Variants in DLGAP2 observed in about 807,000 individuals in gnomAD.
DLGAP2 encodes disks large-associated protein 2.
A neutral mutation model predicts 100.3 loss-of-function variants in DLGAP2; 26 were observed. That is an observed-to-expected ratio of 0.26 (90% confidence interval 0.19 to 0.36). The LOEUF is 0.36. Among genes scored for constraint, DLGAP2 ranks in the 10% least tolerant of loss-of-function variants. The probability of loss-of-function intolerance (pLI) is 1.00; values close to 1 mark genes in which losing one functional copy is unlikely to be tolerated. For synonymous variants in DLGAP2, 886 were observed against 630.1 expected (o/e 1.41, Z -6.08); for missense variants, 1,858 against 1,453.2 (o/e 1.28, Z -4.53).
intron 6 of DLGAP2, among the ~76,000 whole-genome samples, chr8:1,624,086 G>A (rs1163538286): frequency 6.6e-6 from 1 of 152,178 alleles, no homozygotes; most frequent in Admixed American, 6.5e-5. Context: ...TAGAAACTGT[G>A]GACACCAGAT....
chr8:1,586,914 C>T (rs1008889098), intron 6 of DLGAP2, among the ~76,000 whole-genome samples: 5 of 152,206 alleles, frequency 3.3e-5, no homozygotes, highest in African/African-American at 1.2e-4. Context: ...TTTATGCTTT[C>T]ACCTTCATCA....
chr8:1,206,832 G>T (rs992510905), intron 2 of DLGAP2, among the ~76,000 whole-genome samples: 1 of 152,142 alleles, frequency 6.6e-6, no homozygotes, highest in Non-Finnish European at 1.5e-5. Flanking sequence ...CCCCTCTTCT[G>T]TCGCTGACAC....
intron 2 of DLGAP2, among the ~76,000 whole-genome samples, chr8:1,138,678 T>G (rs1319171264): frequency 6.6e-6 from 1 of 152,254 alleles, no homozygotes; most frequent in Non-Finnish European, 1.5e-5. Flanking sequence ...TGCAAAAATA[T>G]TTTTTGAAGC....
chr8:1,703,565 GAAAGGAAATGT>G lies in DLGAP2; in HGVS notation c.*2162_*2172del, dbSNP rs1019654197. 6.6e-6 allele frequency: 1 copy of G among 152,238 alleles called. No individual in the cohort carries two copies. Among genetic ancestry groups the G allele is most frequent in the African/African-American group, 2.4e-5 (1 of 41,442 alleles). 9.4% of individuals were successfully genotyped at this position (152,238 alleles called of 1,614,324 possible). On this transcript the variant is annotated 3_prime_UTR_variant, in exon 15 of 15. Transcript: ENST00000637795. ...AGCAAAGTCAGTGTACACTCTGAGT[GAAAGGAAATGT>G]AATGTGGATAAAGGCCCGCCACCTC...
chr8:1,464,650 G>A (rs1187770142), intron 3 of DLGAP2, among the ~76,000 whole-genome samples: 1 of 152,056 alleles, frequency 6.6e-6, no homozygotes, highest in East Asian at 1.9e-4. Flanking sequence ...GGCAGATAGA[G>A]GGGAGACAGG....
chr8:1,494,663 G>A (rs1799492442), intron 3 of DLGAP2, among the ~76,000 whole-genome samples: 1 of 152,076 alleles, frequency 6.6e-6, no homozygotes, highest in Admixed American at 6.5e-5. Flanking sequence ...GGGAGGTGGA[G>A]GTTACAGTGA....
chr8:759,977 G>A (rs1358674305), intron 1 of DLGAP2, among the ~76,000 whole-genome samples: 4 of 152,154 alleles, frequency 2.6e-5, no homozygotes, highest in Non-Finnish European at 5.9e-5. Context: ...AATTGTCAGG[G>A]TTGAGACCAT....
Position 1,494,336 on chromosome 8 carries a change from T to C in DLGAP2, c.107-7030T>C, listed in dbSNP as rs147497063. On this transcript the variant is annotated intron_variant, in intron 3 of 14. Coordinates refer to ENST00000637795, the MANE Select transcript of DLGAP2 (RefSeq NM_001346810.2). ...ACAACTTCCCCCTGAGAAGACGCAA[T>C]TGTGCTTTGAGTTTAAAAACCTGTC... Among the ~76,000 whole-genome samples, 353 of 152,358 alleles carry C rather than the reference T, an allele frequency of 2.3e-3. 1 individual carries two copies. The highest frequency in any genetic ancestry group is 7.9e-3 in the African/African-American group (327 of 41,594).
chr8:1,296,739 C>G (rs1800186761), intron 3 of DLGAP2, among the ~76,000 whole-genome samples: 2 of 152,324 alleles, frequency 1.3e-5, no homozygotes, highest in South Asian at 2.1e-4. Context: ...TTTGGGTTCG[C>G]TTGCGGGAAA....
chr8:1,281,813 CTTTGATCTGCAACG>C (rs1432190701), intron 3 of DLGAP2, among the ~76,000 whole-genome samples: 1 of 152,190 alleles, frequency 6.6e-6, no homozygotes, highest in East Asian at 1.9e-4. Context: ...CCCCACCAGC[CTTTGATCTGCAACG>C]TTTGATTTGC....
intron 3 of DLGAP2, among the ~76,000 whole-genome samples, chr8:1,497,227 T>G (rs1280561543): frequency 6.6e-6 from 1 of 152,150 alleles, no homozygotes; most frequent in Non-Finnish European, 1.5e-5. Flanking sequence ...AAGGCACGTT[T>G]TGTTTTGGCG....
At chr8:1,556,407 T>G (rs1192777606) in intron 5 of DLGAP2, among the ~76,000 whole-genome samples, 1 of 152,176 alleles carries the variant, frequency 6.6e-6, no homozygotes, top group East Asian at 1.9e-4. Flanking sequence ...CTCTGACCTC[T>G]TCCTCCCAGG....
intron 2 of DLGAP2, among the ~76,000 whole-genome samples, chr8:1,236,278 C>A (rs1174966772): frequency 7.0e-3 from 303 of 43,048 alleles, no homozygotes; most frequent in Non-Finnish European, 8.0e-3. Flanking sequence ...GTTTCTAGTT[C>A]TCTCACATGG....
chr8:1,517,471 G>T (rs1297547769), intron 4 of DLGAP2, among the ~76,000 whole-genome samples: 1 of 152,112 alleles, frequency 6.6e-6, no homozygotes, highest in Non-Finnish European at 1.5e-5. Flanking sequence ...TCCACTGAGA[G>T]CCTCCCACCC....
chr8:1,561,995 G>C (rs1584929227), intron 5 of DLGAP2, among the ~76,000 whole-genome samples: 1 of 61,764 alleles, frequency 1.6e-5, no homozygotes, highest in Non-Finnish European at 3.2e-5. Context: ...GTGTGGTGTT[G>C]GGGTGTCGGC....
At chr8:1,668,239 C>G (rs2130837850) in intron 8 of DLGAP2, 90 bp from the exon 9 acceptor site, 3 of 1,259,746 alleles carry the variant, frequency 2.4e-6, no homozygotes. Context: ...CTTGCTCCGT[C>G]AACCACAGGG....
At chr8:1,568,633 C>T (rs1393236984) in intron 6 of DLGAP2, among the ~76,000 whole-genome samples, 2 of 135,386 alleles carry the variant, frequency 1.5e-5, no homozygotes, top group Non-Finnish European at 3.2e-5. Flanking sequence ...GACACAAATC[C>T]GTCTCTGCCC....
chr8:828,324 C>T (rs1014215831), intron 1 of DLGAP2, among the ~76,000 whole-genome samples: 3 of 152,042 alleles, frequency 2.0e-5, no homozygotes, highest in Non-Finnish European at 2.9e-5. Flanking sequence ...AGGTACGCCC[C>T]GGGGGGGCCA....
chr8:908,507 G>A lies in DLGAP2; in HGVS notation c.73+541G>A, dbSNP rs550231035. 7.2e-5 allele frequency among the ~76,000 whole-genome samples: 11 copies of A among 152,266 alleles called. No individual in the cohort carries two copies. The South Asian group carries it at 1.2e-3, about 17-fold the overall frequency. On this transcript the variant is annotated intron_variant, in intron 2 of 14. Transcript: ENST00000637795. Reference sequence around the variant, plus strand: ...TGTAATTTCTCATGGCAGGATGGGCGTGTGTGGCTGGTGGTTGTGAGGAAG... The same window carrying A: ...TGTAATTTCTCATGGCAGGATGGGCATGTGTGGCTGGTGGTTGTGAGGAAG...
Sources: gnomAD v4.1 joint callset for allele counts (sites outside exome capture counted in the v4.1 genomes callset) on GRCh38, gnomAD v4.1.1 for gene constraint, MANE v1.5 for transcripts, NCBI Gene and HGNC (gene_info 2026-07-23, HGNC 2026-07-21) for gene names.